SORCS3: variants seen among roughly 807,000 people sequenced by gnomAD.
The protein encoded by SORCS3 is sortilin related VPS10 domain containing receptor 3, also known as VPS10 domain-containing receptor SorCS3.
Under a neutral mutation model 146.3 loss-of-function variants are expected in SORCS3, and 57 were observed. The observed-to-expected ratio is 0.39, with a 90% confidence interval of 0.31 to 0.49. The LOEUF (loss-of-function observed/expected upper bound fraction) is 0.49, where lower values mean the gene tolerates loss of function less well. Among genes scored for constraint, SORCS3 ranks in the 20% least tolerant of loss-of-function variants. The pLI, the probability that SORCS3 is intolerant of heterozygous loss-of-function variation, is 0.92. For synonymous variants in SORCS3, 653 were observed against 618.5 expected, an observed-to-expected ratio of 1.06 and a Z score of -0.83; for missense variants, 1,341 against 1,575.5, an observed-to-expected ratio of 0.85 and a Z score of 2.52.
intron 2 of SORCS3, among the ~76,000 whole-genome samples, chr10:104,851,770 A>G (rs1373186443): frequency 2.0e-5 from 3 of 152,200 alleles, no homozygotes; most frequent in Admixed American, 2.0e-4. Flanking sequence ...TAATGACTAT[A>G]AAGATTAGGT....
chr10:104,836,608 A>G (rs1304831728), intron 1 of SORCS3, among the ~76,000 whole-genome samples: 1 of 152,068 alleles, frequency 6.6e-6, no homozygotes, highest in Non-Finnish European at 1.5e-5. Context: ...AATTATTATA[A>G]TCTTCTATTG....
At chr10:104,783,214 T>C (rs972505967) in intron 1 of SORCS3, among the ~76,000 whole-genome samples, 5 of 152,188 alleles carry the variant, frequency 3.3e-5, no homozygotes, top group Non-Finnish European at 7.3e-5. Flanking sequence ...TCTGTTTTGG[T>C]GTCCTCTTTC....
chr10:105,145,189 C>T (rs1160207504), intron 8 of SORCS3, among the ~76,000 whole-genome samples: 7 of 151,912 alleles, frequency 4.6e-5, no homozygotes, highest in Admixed American at 1.3e-4. Context: ...AAAGTTATAT[C>T]CCCACTGATA....
chr10:105,193,222 G>A (rs1472291928), intron 14 of SORCS3, among the ~76,000 whole-genome samples: 1 of 152,144 alleles, frequency 6.6e-6, no homozygotes, highest in Non-Finnish European at 1.5e-5. Context: ...ACAGTCCAGG[G>A]TGACAAGGGA....
At chr10:104,646,991 A>G (rs1695029353) in intron 1 of SORCS3, among the ~76,000 whole-genome samples, 2 of 152,086 alleles carry the variant, frequency 1.3e-5, no homozygotes, top group Admixed American at 6.6e-5. Flanking sequence ...TGTTTGACTG[A>G]GTGAATGAAA....
intron 3 of SORCS3, among the ~76,000 whole-genome samples, chr10:104,962,643 T>A (rs1421441165): frequency 6.6e-6 from 1 of 152,202 alleles, no homozygotes; most frequent in Non-Finnish European, 1.5e-5. Context: ...TACTAGCTTT[T>A]CAAATTTTCC....
intron 19 of SORCS3, chr10:105,217,742 G>T (rs2056673831): frequency 8.9e-6 from 4 of 449,720 alleles, no homozygotes; most frequent in Non-Finnish European, 1.8e-5. Flanking sequence ...CAAAAGAACA[G>T]TTGGTGTTCC....
intron 1 of SORCS3, chr10:104,664,610 A>T (rs1209703004): frequency 6.6e-6 from 1 of 152,172 alleles, no homozygotes; most frequent in Admixed American, 6.5e-5. Context: ...ATCAAAGCTT[A>T]CTTTTAAAAT....
At chr10:104,655,247 CAA>C (rs34712784) in intron 1 of SORCS3, among the ~76,000 whole-genome samples, 105 of 133,244 alleles carry the variant, frequency 7.9e-4, no homozygotes, top group South Asian at 9.6e-4. Context: ...AGCTCCGTCT[CAA>C]AAAAAAAAAA....
At chr10:104,733,654 C>T (rs775923183) in intron 1 of SORCS3, among the ~76,000 whole-genome samples, 7 of 151,564 alleles carry the variant, frequency 4.6e-5, no homozygotes, top group South Asian at 2.1e-4. Context: ...TCAAAGTGAT[C>T]CCTATAGTTT....
chr10:105,242,476 T>TTATACATATATTTATATATATTTA (rs2056833271), intron 20 of SORCS3, among the ~76,000 whole-genome samples: 1 of 79,688 alleles, frequency 1.3e-5, no homozygotes, highest in Non-Finnish European at 2.1e-5. Context: ...ATTTATATAT[T>TTATACATATATTTATATATATTTA]TATATATTTA....
At chr10:104,780,622 A>G (rs1244167969) in intron 1 of SORCS3, among the ~76,000 whole-genome samples, 1 of 152,144 alleles carries the variant, frequency 6.6e-6, no homozygotes, top group Non-Finnish European at 1.5e-5. Flanking sequence ...TCCTTTTGTG[A>G]GCTGCTGAGG....
At chr10:104,792,464 A>T (rs1022642006) in intron 1 of SORCS3, among the ~76,000 whole-genome samples, 1 of 152,204 alleles carries the variant, frequency 6.6e-6, no homozygotes, top group Non-Finnish European at 1.5e-5. Context: ...CTAGCTAAGC[A>T]TGTTAATGAC....
intron 1 of SORCS3, among the ~76,000 whole-genome samples, chr10:104,831,861 G>A (rs1321595935): frequency 1.3e-5 from 2 of 152,146 alleles, no homozygotes; most frequent in Non-Finnish European, 1.5e-5. Context: ...GGGGGAGGGG[G>A]GTGTGGAATA....
intron 2 of SORCS3, among the ~76,000 whole-genome samples, chr10:104,862,077 G>T (rs1017157160): frequency 6.6e-6 from 1 of 152,150 alleles, no homozygotes; most frequent in Non-Finnish European, 1.5e-5. Flanking sequence ...TCCAAATAAG[G>T]TCACATTCTG....
Position 105,262,393 on chromosome 10 carries a change from G to A in SORCS3, c.3506G>A (p.Gly1169Glu), listed in dbSNP as rs1272431545. 6 of 1,613,878 alleles carry A rather than the reference G, an allele frequency of 3.7e-6. No individual in the cohort carries two copies. In the African/African-American group the frequency reaches 6.7e-5, roughly 18 times the overall value. ...VQHDKEQEMI[G>E]SVSQSENAPK... ...CACGACAAGGAGCAGGAGATGATTG[G>A]GTCAGTGAGCCAAAGTGAAAACGCC... Residue 1169 changes from glycine (G) to glutamate (E), a missense_variant, in exon 26 of 27, where the codon GGG (glycine) becomes GAG (glutamate). Physicochemically the swap from Gly to Glu is moderately conservative, Grantham distance 98. Coordinates refer to ENST00000369701, the MANE Select transcript of SORCS3 (RefSeq NM_014978.3).
intron 1 of SORCS3, among the ~76,000 whole-genome samples, chr10:104,654,482 T>C (rs1427733400): frequency 1.3e-5 from 2 of 152,220 alleles, no homozygotes. Flanking sequence ...GCCTGTCTTT[T>C]GGATATAAGC....
At chr10:104,990,867 T>G (rs2133662301) in intron 4 of SORCS3, among the ~76,000 whole-genome samples, 1 of 152,320 alleles carries the variant, frequency 6.6e-6, no homozygotes. Flanking sequence ...TACCTTGATT[T>G]TAACCTCATA....
intron 16 of SORCS3, among the ~76,000 whole-genome samples, chr10:105,210,835 G>T (rs867757148): frequency 6.6e-6 from 1 of 152,046 alleles, no homozygotes; most frequent in South Asian, 2.1e-4. Flanking sequence ...AGCATCCTCC[G>T]CATTTACTCC....
Sources: allele counts gnomAD v4.1 joint callset (sites outside exome capture counted in the v4.1 genomes callset), GRCh38; gene constraint gnomAD v4.1.1; transcripts MANE v1.5; gene names NCBI Gene and HGNC (gene_info 2026-07-23, HGNC 2026-07-21).